The following CDH8 variants were observed in gnomAD, a reference collection of about 807,000 sequenced individuals.
CDH8 encodes cadherin-8.
Under a neutral mutation model 68.1 loss-of-function variants are expected in CDH8, and 17 were observed. The ratio of observed to expected loss-of-function variants is 0.25; its 90% confidence interval spans 0.17 to 0.37. The LOEUF is 0.37. Ranked by LOEUF, CDH8 falls within the 10% of genes least tolerant of loss-of-function variation. The pLI is 1.00. For missense variants in CDH8, 763 were observed against 999.3 expected, an observed-to-expected ratio of 0.76 and a Z score of 3.19; for synonymous variants, 372 against 365.1, an observed-to-expected ratio of 1.02 and a Z score of -0.21.
intron 2 of CDH8, among the ~76,000 whole-genome samples, chr16:61,964,554 C>T (rs1965214792): frequency 6.7e-6 from 1 of 149,688 alleles, no homozygotes; most frequent in Admixed American, 6.7e-5. Context: ...TTTCCTCAAC[C>T]AAAACAATCT....
At chr16:61,701,513 T>C (rs1252997329) in intron 10 of CDH8, among the ~76,000 whole-genome samples, 1 of 152,206 alleles carries the variant, frequency 6.6e-6, no homozygotes, top group Non-Finnish European at 1.5e-5. Flanking sequence ...TCTTAATATA[T>C]TGTGTACATT....
intron 8 of CDH8, among the ~76,000 whole-genome samples, chr16:61,787,997 G>C (rs1961274545): frequency 1.3e-5 from 2 of 148,840 alleles, no homozygotes; most frequent in Admixed American, 1.3e-4. Context: ...TAGATGACGA[G>C]TTAGTGGGTG....
chr16:61,960,232 T>C lies in CDH8; in HGVS notation c.253-58759A>G, dbSNP rs372156339. 8.3e-3 allele frequency among the ~76,000 whole-genome samples: 588 copies of C among 71,204 alleles called. 139 individuals are homozygous for C. Among genetic ancestry groups the C allele is most frequent in the Middle Eastern group, 0.019 (2 of 108 alleles). 46.7% of individuals were successfully genotyped at this position (71,204 alleles called of 152,430 possible). On this transcript the variant is annotated intron_variant, in intron 2 of 11. Coordinates refer to ENST00000577390, the MANE Select transcript of CDH8 (RefSeq NM_001796.5). Reference sequence around the variant, plus strand: ...ATACATGTGTGTGTGTATACACACATATATACATGTGTGTGTGTATACACA... The same window carrying C: ...ATACATGTGTGTGTGTATACACACACATATACATGTGTGTGTGTATACACA...
chr16:61,665,792 CTT>C (rs1963660930), intron 10 of CDH8, among the ~76,000 whole-genome samples: 1 of 137,322 alleles, frequency 7.3e-6, no homozygotes, highest in African/African-American at 2.8e-5. Context: ...TCCTTCCTTC[CTT>C]CCTTCCTTCC....
At chr16:61,742,424 A>G in intron 8 of CDH8, among the ~76,000 whole-genome samples, 1 of 152,106 alleles carries the variant, frequency 6.6e-6, no homozygotes, top group Admixed American at 6.5e-5. Flanking sequence ...TCTCATTTGG[A>G]ATCTAAGTGA....
chr16:61,783,869 T>C (rs7498718), intron 8 of CDH8, among the ~76,000 whole-genome samples: 33,289 of 151,970 alleles, frequency 0.22, 4,181 homozygotes, highest in African/African-American at 0.35. Context: ...TAAAATACTT[T>C]ACAGACAAGC....
intron 3 of CDH8, among the ~76,000 whole-genome samples, chr16:61,893,994 G>C (rs1194216756): frequency 1.3e-5 from 2 of 151,944 alleles, no homozygotes; most frequent in African/African-American, 4.8e-5. Context: ...TAAAATTTTG[G>C]GTTAATAGTT....
At chr16:61,783,579 A>T (rs1231577433) in intron 8 of CDH8, among the ~76,000 whole-genome samples, 1 of 150,484 alleles carries the variant, frequency 6.6e-6, no homozygotes, top group African/African-American at 2.5e-5. Context: ...TTCAGGAAAT[A>T]CAGAGAACGC....
intron 4 of CDH8, among the ~76,000 whole-genome samples, chr16:61,850,816 T>A (rs1005277851): frequency 3.3e-5 from 5 of 152,072 alleles, no homozygotes; most frequent in Non-Finnish European, 5.9e-5. Context: ...TCTTCATACA[T>A]GTTTGCTAAG....
chr16:61,761,416 T>C (rs1960464466), intron 8 of CDH8, among the ~76,000 whole-genome samples: 1 of 152,190 alleles, frequency 6.6e-6, no homozygotes, highest in Non-Finnish European at 1.5e-5. Context: ...TGATGATAAC[T>C]AATTCTGGTA....
At position 61,648,550 on chromosome 16, in the gene CDH8, AG is replaced by A. The variant is rs1374712619; in HGVS notation, c.*5057del. The A allele has an allele frequency of 1.3e-5, 2 of 151,942 alleles. No individual in the cohort carries two copies. Among genetic ancestry groups the A allele is most frequent in the African/African-American group, 4.8e-5 (2 of 41,420 alleles). 9.4% of individuals were successfully genotyped at this position (151,942 alleles called of 1,614,324 possible). A position where few individuals can be genotyped will look rare whatever the true frequency, so the allele number is the denominator to read the frequency against. ...GAGATAACTGTTTAGTTGAAAGTTA[AG>A]GGGATTTAGTGTCAGATCAACCAAA... On this transcript the variant is annotated 3_prime_UTR_variant, in exon 12 of 12. Transcript: ENST00000577390.
chr16:61,981,681 T>TGTGTGTGTGTGCGCGC (rs747443852), intron 2 of CDH8, among the ~76,000 whole-genome samples: 3 of 141,758 alleles, frequency 2.1e-5, no homozygotes, highest in African/African-American at 8.4e-5. Context: ...TGTGTGTGTG[T>TGTGTGTGTGTGCGCGC]GCGCGCGCGC....
At chr16:61,698,354 A>G (rs1272887890) in intron 10 of CDH8, among the ~76,000 whole-genome samples, 2 of 152,228 alleles carry the variant, frequency 1.3e-5, no homozygotes, top group African/African-American at 4.8e-5. Flanking sequence ...TCTGTGGGAA[A>G]TGGTTTCTTC....
chr16:61,855,977 C>G (rs999258686), intron 4 of CDH8, among the ~76,000 whole-genome samples: 1 of 152,078 alleles, frequency 6.6e-6, no homozygotes, highest in Non-Finnish European at 1.5e-5. Flanking sequence ...AGAGTTCTTT[C>G]CTGTTTCCAA....
chr16:61,681,464 A>G (rs551857171), intron 10 of CDH8, among the ~76,000 whole-genome samples: 1 of 152,050 alleles, frequency 6.6e-6, no homozygotes, highest in East Asian at 1.9e-4. Flanking sequence ...TAAAATGCCC[A>G]GAAAAGGCAA....
At chr16:61,747,136 G>A (rs1417498221) in intron 8 of CDH8, among the ~76,000 whole-genome samples, 6 of 152,020 alleles carry the variant, frequency 3.9e-5, no homozygotes, top group Admixed American at 1.3e-4. Flanking sequence ...AACTGAATTA[G>A]TATCCATAAA....
intron 3 of CDH8, among the ~76,000 whole-genome samples, chr16:61,871,991 G>T (rs1963379619): frequency 6.6e-6 from 1 of 152,088 alleles, no homozygotes. Context: ...TGCATGAATG[G>T]TTTCTCTACC....
chr16:61,981,697 C>T (rs1472797929), intron 2 of CDH8, among the ~76,000 whole-genome samples: 2 of 151,418 alleles, frequency 1.3e-5, no homozygotes, highest in Non-Finnish European at 1.5e-5. Context: ...CGCGCGCGTG[C>T]GCTTGGGGCA....
At chr16:61,750,990 A>T (rs542974510) in intron 8 of CDH8, among the ~76,000 whole-genome samples, 1 of 152,284 alleles carries the variant, frequency 6.6e-6, no homozygotes, top group East Asian at 1.9e-4. Context: ...AAATCATTTC[A>T]TCACATGAAT....
Sources: allele counts gnomAD v4.1 joint callset (sites outside exome capture counted in the v4.1 genomes callset), GRCh38; gene constraint gnomAD v4.1.1; transcripts MANE v1.5; gene names NCBI Gene and HGNC (gene_info 2026-07-23, HGNC 2026-07-21).